Variants in ASPM observed in about 807,000 individuals in gnomAD.
The protein encoded by ASPM is assembly factor for spindle microtubules.
In ASPM, 256 loss-of-function variants were observed where a neutral mutation model predicts 366.4. The ratio of observed to expected loss-of-function variants is 0.70; its 90% confidence interval spans 0.63 to 0.77. The LOEUF (loss-of-function observed/expected upper bound fraction) is 0.77, where lower values mean the gene tolerates loss of function less well. ASPM is among the 30% of genes least tolerant of loss of function. The pLI is 0.00. For synonymous variants in ASPM, 1,414 were observed against 1,342.9 expected (o/e 1.05, Z -1.16); for missense variants, 4,146 against 4,090.4 (o/e 1.01, Z -0.37).
At chr1:197,138,666 C>G in intron 4 of ASPM, 1 of 556,788 alleles carries the variant, frequency 1.8e-6, no homozygotes, top group South Asian at 1.9e-5. Context: ...GAACTTCAAT[C>G]AGATTTAAAT....
intron 17 of ASPM, among the ~76,000 whole-genome samples, chr1:197,114,397 A>G (rs1657682292): frequency 6.6e-6 from 1 of 152,178 alleles, no homozygotes; most frequent in African/African-American, 2.4e-5. Context: ...TAAGACAACA[A>G]TGAAGTTTTA....
intron 1 of ASPM, among the ~76,000 whole-genome samples, chr1:197,145,913 A>G (rs1658762218): frequency 6.6e-6 from 1 of 151,950 alleles, no homozygotes; most frequent in East Asian, 1.9e-4. Flanking sequence ...GTATGCGTCA[A>G]GGGCCCACCC....
chr1:197,111,949 G>A (rs979337403), intron 17 of ASPM, among the ~76,000 whole-genome samples: 2 of 152,150 alleles, frequency 1.3e-5, no homozygotes, highest in African/African-American at 4.8e-5. Context: ...GGAAGACAGT[G>A]TGGTGATTTC....
intron 17 of ASPM, among the ~76,000 whole-genome samples, chr1:197,112,520 C>A (rs952798434): frequency 6.6e-6 from 1 of 152,120 alleles, no homozygotes; most frequent in Admixed American, 6.6e-5. Context: ...AATCACTAAG[C>A]TTAAAGAAAA....
chr1:197,102,196 A>G lies in ASPM; in HGVS notation c.7055T>C (p.Met2352Thr). ...GGCCTGTTTCAAAGCCTGATATCTC[A>G]TATGTAATCTGTGCATTCTGAAAGT... is the stretch of plus-strand genomic sequence containing the variant. Reference protein sequence around the residue: ...QSTFRMHRLHMRYQALKQASV... With the variant: ...QSTFRMHRLHTRYQALKQASV... The change falls in exon 18 of 28, where the codon ATG becomes ACG. Residue 2352 changes from methionine to threonine, a missense_variant. Physicochemically the swap from Met to Thr is moderately conservative, Grantham distance 81 (BLOSUM62 -1). Transcript: ENST00000367409. The G allele has an allele frequency of 3.1e-6, 5 of 1,612,754 alleles. No homozygotes were observed. The highest frequency in any genetic ancestry group is 4.2e-6 in the Non-Finnish European group (5 of 1,179,244).
rs935891770 is a variant in ASPM at position 197,090,249 on chromosome 1, T to C, written c.9776A>G (p.Tyr3259Cys). The change falls in exon 24 of 28, where the codon TAC becomes TGC. Residue 3259 changes from tyrosine to cysteine, a missense_variant. Tyr to Cys is a radical substitution (Grantham distance 194, BLOSUM62 -2). Transcript: ENST00000367409. ...LYKRTALALHYLLTYKHLSAI... is the reference protein window; with the variant it reads ...LYKRTALALHCLLTYKHLSAI... ...AGAAAGGTGCTTATATGTCAAAAGG[T>C]AATGAAGTGCAAGTGCAGTTCTTTT... 1 of 1,613,560 alleles carries C rather than the reference T, an allele frequency of 6.2e-7. No homozygotes were observed. The highest frequency in any genetic ancestry group is 1.1e-5 in the South Asian group (1 of 91,076).
intron 24 of ASPM, 55 bp downstream of exon 24, chr1:197,090,141 T>C: frequency 1.2e-6 from 2 of 1,612,436 alleles, no homozygotes; most frequent in Non-Finnish European, 1.7e-6. Context: ...AAAATGAAGT[T>C]TTAGCTAATA....
At position 197,084,426 on chromosome 1, in the gene ASPM, T is replaced by C; in HGVS notation, c.10332A>G (p.Arg3444=). The change falls in exon 28 of 28, where the codon AGA becomes AGG. Residue 3444 remains arginine (R), a splice_region_variant and synonymous_variant. Transcript: ENST00000367409. Reference sequence around the variant, plus strand: ...TTCTCAAAACCCAATCTGGCTTAAGTCTGTTAAAAAAAAAAAAAAAGTCTG... The same window carrying C: ...TTCTCAAAACCCAATCTGGCTTAAGCCTGTTAAAAAAAAAAAAAAAGTCTG... ...ETPVRTRIVS[R]LKPDWVLRRD... is the part of the protein sequence containing the mutation. 1 of 1,582,078 alleles carries C rather than the reference T, an allele frequency of 6.3e-7. No individual in the cohort carries two copies. The highest frequency in any genetic ancestry group is 8.6e-7 in the Non-Finnish European group (1 of 1,159,852).
chr1:197,144,113 C>A lies in ASPM; in HGVS notation c.298-13G>T, dbSNP rs1265407616. 6.4e-7 allele frequency: 1 copy of A among 1,555,554 alleles called. No homozygotes were observed. The highest frequency in any genetic ancestry group is 1.1e-5 in the South Asian group (1 of 89,588). On this transcript the variant is annotated splice_polypyrimidine_tract_variant and intron_variant, in intron 1 of 27. Coordinates refer to ENST00000367409, the MANE Select transcript of ASPM (RefSeq NM_018136.5). ...TTTTCTCTTTAGGCTATAATCAAAA[C>A]AATACATTATATAATTACAATAGTA...
In ASPM at chr1:197,121,982, CTT is replaced by C; in HGVS notation, c.3801_3802del (p.Ile1267MetfsTer14). On this transcript the variant is annotated frameshift_variant, in exon 16 of 28. Transcript: ENST00000367409. LOFTEE classifies it high-confidence loss of function. The stretch of plus-strand genomic sequence containing the variant: ...TGTTGTTTGTATGAGTCGAGCAGCT[CTT>C]ATTTCTTTACGAAGATCCAAAAGCC... The C allele has an allele frequency of 1.2e-6, 2 of 1,611,666 alleles. No homozygotes were observed. Among genetic ancestry groups the C allele is most frequent in the Non-Finnish European group, 1.7e-6 (2 of 1,178,134 alleles).
Position 197,102,420 on chromosome 1 carries a change from C to T in ASPM, c.6831G>A (p.Met2277Ile). The T allele has an allele frequency of 6.2e-7, 1 of 1,612,578 alleles. No individual in the cohort carries two copies. The highest frequency in any genetic ancestry group is 8.5e-7 in the Non-Finnish European group (1 of 1,179,190). The change falls in exon 18 of 28, where the codon ATG (methionine) becomes ATA (isoleucine). Residue 2277 changes from methionine (M) to isoleucine (I), a missense_variant. Around this residue, in one of 3 missense-constraint regions of ASPM, gnomAD observed 3,624 missense variants for 3,591.7 expected, o/e 1.01. Coordinates refer to ENST00000367409, the MANE Select transcript of ASPM (RefSeq NM_018136.5). ...TLIQRRFRTL[M>I]MRRRFLSLKK... Reference sequence around the variant, plus strand: ...TGAGAGAGAGGAATCTTCTTCTCATCATTAGAGTTCTAAATCTCCTCTGAA... The same window carrying T: ...TGAGAGAGAGGAATCTTCTTCTCATTATTAGAGTTCTAAATCTCCTCTGAA...
rs779352950 is a variant in ASPM, at chr1:197,103,196, T to C, written c.6055A>G (p.Lys2019Glu). ...IGREQNHLYLKTKAAVVTLQS... is the reference protein window; with the variant it reads ...IGREQNHLYLETKAAVVTLQS... ...AAAGTTACTACAGCTGCTTTTGTTT[T>C]CAAATATAAATGATTCTGTTCTCTT... The change falls in exon 18 of 28, where the codon AAA becomes GAA. Residue 2019 changes from lysine (K) to glutamate (E), a missense_variant. Physicochemically the swap from Lys to Glu is moderately conservative, Grantham distance 56 (BLOSUM62 1). Coordinates refer to ENST00000367409, the MANE Select transcript of ASPM (RefSeq NM_018136.5). The C allele has an allele frequency of 3.8e-5, 62 of 1,612,594 alleles. No homozygotes were observed. Among genetic ancestry groups the C allele is most frequent in the Non-Finnish European group, 5.1e-5 (60 of 1,179,398 alleles).
chr1:197,128,720 A>ATAAAAAC (rs1359522708), intron 9 of ASPM, 55 bp from the exon 10 acceptor site: 2 of 1,356,354 alleles, frequency 1.5e-6, no homozygotes, highest in African/African-American at 2.9e-5. Flanking sequence ...TTTGCTTATA[A>ATAAAAAC]TAAAAACAAA....
Position 197,142,684 on chromosome 1 carries a change from C to G in ASPM, c.1568G>C (p.Ser523Thr). 1 of 1,613,858 alleles carries G rather than the reference C, an allele frequency of 6.2e-7. No individual in the cohort carries two copies. The highest frequency in any genetic ancestry group is 8.5e-7 in the Non-Finnish European group (1 of 1,179,776). The change falls in exon 3 of 28, where the codon AGT becomes ACT. Residue 523 changes from serine (S) to threonine (T), a missense_variant. By Grantham distance (58) the Ser-to-Thr change is moderately conservative (BLOSUM62 1). This residue lies in a region of ASPM where 3,624 missense variants were observed against 3,591.7 expected (regional missense o/e 1.01). Coordinates refer to ENST00000367409, the MANE Select transcript of ASPM (RefSeq NM_018136.5). ...TACTTTTTCATGTTCACCCACTGCACTGTTGAGACATCTTTTTGCTTTTGG... is the reference window on the plus strand; with the variant it reads ...TACTTTTTCATGTTCACCCACTGCAGTGTTGAGACATCTTTTTGCTTTTGG... ...NKPKAKRCLN[S>T]AVGEHEKVIN...
At chr1:197,115,340 ACT>A (rs1036358784) in intron 17 of ASPM, among the ~76,000 whole-genome samples, 38 of 152,250 alleles carry the variant, frequency 2.5e-4, no homozygotes, top group African/African-American at 9.1e-4. Context: ...ATCTGCAGTT[ACT>A]TCCTCCAACG....
intron 10 of ASPM, among the ~76,000 whole-genome samples, chr1:197,126,439 CAAAAAAA>C (rs374373476): frequency 5.2e-5 from 1 of 19,306 alleles, no homozygotes; most frequent in Non-Finnish European, 8.5e-5. Context: ...GACTCTGTCT[CAAAAAAA>C]AAAAAAAAAA....
rs754584704 is a variant in ASPM, at chr1:197,095,983, A to C, written c.8987+15T>G. The C allele has an allele frequency of 3.8e-6, 6 of 1,597,530 alleles. No homozygotes were observed. The Admixed American group carries it at 1.0e-4, about 27-fold the overall frequency. ...CAAATACTTTTACACTCTCCACAGA[A>C]CTATGATACATTACCGTGTTCTCTC... On this transcript the variant is annotated intron_variant, in intron 19 of 27. Coordinates refer to ENST00000367409, the MANE Select transcript of ASPM (RefSeq NM_018136.5).
At chr1:197,144,144 A>G (rs757303594) in intron 1 of ASPM, 44 bp from the exon 2 acceptor site, 2 of 1,419,050 alleles carry the variant, frequency 1.4e-6, no homozygotes, top group African/African-American at 2.8e-5. Context: ...TAGTAATTAC[A>G]TAATAACCAA....
In ASPM at chr1:197,124,195, T is replaced by C. The variant is rs1286304518; in HGVS notation, c.3305A>G (p.Asp1102Gly). The C allele has an allele frequency of 6.8e-6, 11 of 1,612,590 alleles. No homozygotes were observed. The highest frequency in any genetic ancestry group is 2.2e-5 in the South Asian group (2 of 91,000). ...ACTATATTGTTCAAAGGAACCACTA[T>C]CCCTTTTGCCTTTTTTCTTATTAAT... ...DLINKKKGKR[D>G]SGSFEQYSEN... The change falls in exon 13 of 28, where the codon GAT (aspartate) becomes GGT (glycine). Residue 1102 changes from aspartate (D) to glycine (G), a missense_variant. Around this residue, in one of 3 missense-constraint regions of ASPM, gnomAD observed 3,624 missense variants for 3,591.7 expected, o/e 1.01. Coordinates refer to ENST00000367409, the MANE Select transcript of ASPM (RefSeq NM_018136.5).
Sources: gnomAD v4.1 joint callset for allele counts (sites outside exome capture counted in the v4.1 genomes callset) on GRCh38, gnomAD v4.1.1 for gene constraint, gnomAD v4.1.1 regional missense constraint, MANE v1.5 for transcripts, NCBI Gene and HGNC (gene_info 2026-07-23, HGNC 2026-07-21) for gene names.